The following ATAD2 variants were observed in gnomAD, a reference collection of about 807,000 sequenced individuals.
ATAD2 encodes ATPase family AAA domain containing 2.
In ATAD2, 62 loss-of-function variants were observed where a neutral mutation model predicts 168.9. The ratio of observed to expected loss-of-function variants is 0.37; its 90% CI spans 0.30 to 0.45. ATAD2 has a LOEUF of 0.45. Ranked by LOEUF, ATAD2 falls within the 20% of genes least tolerant of loss-of-function variation. ATAD2 has a pLI of 1.00. For missense variants in ATAD2, 1,419 were observed against 1,667.8 expected (o/e 0.85, Z 2.60); for synonymous variants, 613 against 571.6 (o/e 1.07, Z -1.03).
chr8:123,343,099 C>A (rs1195594815), intron 19 of ATAD2, among the ~76,000 whole-genome samples: 2 of 151,968 alleles, frequency 1.3e-5, no homozygotes, highest in African/African-American at 4.8e-5. Context: ...ATTCTCCCAC[C>A]TCAGCCTCCC....
intron 6 of ATAD2, 23 bp downstream of exon 6, chr8:123,370,876 GAAGA>G: frequency 1.3e-6 from 2 of 1,525,788 alleles, no homozygotes; most frequent in Non-Finnish European, 1.8e-6. Flanking sequence ...TTCAATCCCA[GAAGA>G]CAGAACAAGA....
intron 1 of ATAD2, 129 bp downstream of exon 1, chr8:123,396,058 C>T (rs962998375): frequency 3.6e-6 from 4 of 1,107,316 alleles, no homozygotes; most frequent in Non-Finnish European, 4.9e-6. Context: ...TACTCGTCCT[C>T]GACCACACTT....
chr8:123,405,319 C>T (rs996707520), intron 1 of ATAD2, among the ~76,000 whole-genome samples: 2 of 147,848 alleles, frequency 1.4e-5, no homozygotes, highest in Non-Finnish European at 3.0e-5. Flanking sequence ...TGCAATGGTG[C>T]GACCTCAGCT....
In ATAD2 at chr8:123,369,945, G is replaced by GTCA. The variant is rs539981908; in HGVS notation, c.804_806dup (p.Asp277dup). 51 of 1,497,632 alleles carry GTCA rather than the reference G, an allele frequency of 3.4e-5. No homozygotes were observed. The highest frequency in any genetic ancestry group is 2.3e-4 in the African/African-American group (11 of 48,452). The allele number at this position is 1,497,632 out of a possible 1,614,324, so 92.8% of individuals were successfully genotyped here. ...CATCATCATCATCATCATCATCATC[G>GTCA]TCATCATCATCATCATCTTCATCAT... On this transcript the variant is annotated inframe_insertion, in exon 7 of 28. Transcript: ENST00000287394.
At chr8:123,377,090 T>TAAAAAAAAAA (rs1297063054) in intron 2 of ATAD2, among the ~76,000 whole-genome samples, 1 of 622 alleles carries the variant, frequency 1.6e-3, no homozygotes, top group African/African-American at 4.3e-3. Flanking sequence ...AGACTCCGTC[T>TAAAAAAAAAA]CAAAAAAAAA....
intron 8 of ATAD2, among the ~76,000 whole-genome samples, chr8:123,364,687 T>C (rs1828919495): frequency 6.6e-6 from 1 of 152,118 alleles, no homozygotes; most frequent in Non-Finnish European, 1.5e-5. Flanking sequence ...CATGATCATC[T>C]CAACAGATGC....
chr8:123,355,386 C>T (rs1828609760), intron 13 of ATAD2, among the ~76,000 whole-genome samples: 2 of 152,196 alleles, frequency 1.3e-5, no homozygotes, highest in South Asian at 2.1e-4. Context: ...ACACATCATT[C>T]ATGAAACCAT....
intron 6 of ATAD2, among the ~76,000 whole-genome samples, chr8:123,370,529 T>C (rs1418140691): frequency 6.6e-6 from 1 of 152,136 alleles, no homozygotes; most frequent in Non-Finnish European, 1.5e-5. Context: ...ACATTTAAAA[T>C]GCATTTCAGA....
At chr8:123,339,529 CT>C in intron 19 of ATAD2, 83 bp from the exon 20 acceptor site, 1 of 1,293,412 alleles carries the variant, frequency 7.7e-7, no homozygotes, top group Non-Finnish European at 1.1e-6. Flanking sequence ...AATTTTTAGA[CT>C]TTACAGCAGC....
chr8:123,321,055 A>T lies in ATAD2; in HGVS notation c.*79T>A. ...TTTCCTTAAAGATGCAGGGTTTCATACTACATCAATTAGGCGGACATGACA... is the reference window on the plus strand; with the variant it reads ...TTTCCTTAAAGATGCAGGGTTTCATTCTACATCAATTAGGCGGACATGACA... On this transcript the variant is annotated 3_prime_UTR_variant, in exon 28 of 28. Coordinates refer to ENST00000287394, the MANE Select transcript of ATAD2 (RefSeq NM_014109.4). 1 of 1,232,808 alleles carries T rather than the reference A, an allele frequency of 8.1e-7. No homozygotes were observed. Among genetic ancestry groups the T allele is most frequent in the Non-Finnish European group, 1.2e-6 (1 of 851,892 alleles). The allele number at this position is 1,232,808 out of a possible 1,614,324, so 76.4% of individuals were successfully genotyped here. A position where few individuals can be genotyped will look rare whatever the true frequency, so the allele number is the denominator to read the frequency against.
intron 11 of ATAD2, among the ~76,000 whole-genome samples, chr8:123,358,763 GCT>G (rs1828723410): frequency 9.6e-6 from 1 of 104,520 alleles, no homozygotes; most frequent in Non-Finnish European, 1.7e-5. Context: ...ATGGTGTCTT[GCT>G]CTGTCGCCCA....
At chr8:123,348,337 ATTTTGATTAAAATAC>A (rs1442050129) in intron 14 of ATAD2, 64 bp from the exon 15 acceptor site, 46 of 1,208,402 alleles carry the variant, frequency 3.8e-5, no homozygotes, top group Admixed American at 8.6e-5. Flanking sequence ...GATTACATTA[ATTTTGATTAAAATAC>A]TTTTGATTAT....
At chr8:123,324,945 C>T (rs1827568180) in intron 26 of ATAD2, among the ~76,000 whole-genome samples, 1 of 151,910 alleles carries the variant, frequency 6.6e-6, no homozygotes, top group African/African-American at 2.4e-5. Context: ...CATGGTGGCT[C>T]ATGCCTATAA....
intron 1 of ATAD2, among the ~76,000 whole-genome samples, chr8:123,403,336 G>T (rs1164104905): frequency 6.6e-6 from 1 of 152,018 alleles, no homozygotes; most frequent in East Asian, 1.9e-4. Context: ...CTGAGCTCAG[G>T]TGATCTGCCC....
At chr8:123,383,617 C>T (rs1298280852) in intron 1 of ATAD2, among the ~76,000 whole-genome samples, 1 of 151,646 alleles carries the variant, frequency 6.6e-6, no homozygotes, top group Non-Finnish European at 1.5e-5. Context: ...ACTAAAAATA[C>T]AAAAAATCAG....
chr8:123,377,422 A>G (rs1015680153), intron 2 of ATAD2, among the ~76,000 whole-genome samples: 1 of 152,170 alleles, frequency 6.6e-6, no homozygotes, highest in African/African-American at 2.4e-5. Context: ...AAAGCCAAAC[A>G]ATGTTTTATA....
chr8:123,332,874 T>C (rs1335634880), intron 24 of ATAD2, among the ~76,000 whole-genome samples: 1 of 152,166 alleles, frequency 6.6e-6, no homozygotes, highest in Non-Finnish European at 1.5e-5. Context: ...TTAAAGCTGA[T>C]TTGACTGTCA....
intron 22 of ATAD2, among the ~76,000 whole-genome samples, chr8:123,335,167 G>GTAATTT (rs1309737656): frequency 1.3e-5 from 2 of 152,174 alleles, no homozygotes; most frequent in African/African-American, 2.4e-5. Flanking sequence ...CTAGCCTGAA[G>GTAATTT]TAATTTTAGA....
chr8:123,400,456 G>A (rs1812980024), upstream of ATAD2: 1 of 360,568 alleles, frequency 2.8e-6, no homozygotes, highest in Non-Finnish European at 5.4e-6. This position sits in a 1 kb window ranked among gnomAD's most constrained non-coding sequence, Gnocchi z 4.5. Flanking sequence ...GATCGCTTGA[G>A]CCCAGCAGTT....
Sources: allele counts gnomAD v4.1 joint callset (sites outside exome capture counted in the v4.1 genomes callset), GRCh38; gene constraint gnomAD v4.1.1; non-coding constraint Gnocchi (gnomAD v3.1); transcripts MANE v1.5; gene names NCBI Gene and HGNC (gene_info 2026-07-23, HGNC 2026-07-21).